The following PTPRS variants were observed in gnomAD, a reference collection of about 807,000 sequenced individuals.
PTPRS encodes receptor-type tyrosine-protein phosphatase S.
PTPRS carries 63 observed loss-of-function variants against 215.3 expected under a neutral mutation model. The ratio of observed to expected loss-of-function variants is 0.29; its 90% CI spans 0.24 to 0.36. The LOEUF (loss-of-function observed/expected upper bound fraction) is 0.36, where lower values mean the gene tolerates loss of function less well. Ranked by LOEUF, PTPRS falls within the 10% of genes least tolerant of loss-of-function variation. The probability of loss-of-function intolerance (pLI) is 1.00; values close to 1 mark genes in which losing one functional copy is unlikely to be tolerated. For synonymous variants in PTPRS, 1,404 were observed against 1,191.4 expected (o/e 1.18, Z -3.68); for missense variants, 2,258 against 2,825.8 (o/e 0.80, Z 4.56).
rs535251027 is a variant in PTPRS, at chr19:5,268,655, C to A, written c.380-3459G>T. ...GGGTCACTGCTTGGATGGGAAAAGCCCCAGTGGAAAGCCCTGAGCACTAAC... is the reference window on the plus strand; with the variant it reads ...GGGTCACTGCTTGGATGGGAAAAGCACCAGTGGAAAGCCCTGAGCACTAAC... On this transcript the variant is annotated intron_variant, in intron 4 of 37. Coordinates refer to ENST00000262963, the MANE Select transcript of PTPRS (RefSeq NM_002850.4). Among the ~76,000 whole-genome samples the A allele has an allele frequency of 6.6e-5, 10 of 152,212 alleles. No individual in the cohort carries two copies. The South Asian group carries it at 2.1e-3, about 32-fold the overall frequency.
At chr19:5,215,445 GT>G in intron 27 of PTPRS, 33 bp from the exon 28 acceptor site, 1 of 1,611,014 alleles carries the variant, frequency 6.2e-7, no homozygotes, top group Non-Finnish European at 8.5e-7. Context: ...GGGTGTCAGG[GT>G]AGGTGCCTGT....
chr19:5,320,378 C>T (rs765948303), intron 1 of PTPRS, among the ~76,000 whole-genome samples: 2 of 152,208 alleles, frequency 1.3e-5, no homozygotes, highest in South Asian at 4.1e-4. Context: ...ATCCGGCTCC[C>T]GGGAAGTGGC....
At chr19:5,281,020 G>A (rs1240139415) in intron 2 of PTPRS, among the ~76,000 whole-genome samples, 3 of 151,704 alleles carry the variant, frequency 2.0e-5, no homozygotes, top group Non-Finnish European at 4.4e-5. Flanking sequence ...GCGAACTCCT[G>A]ACCTCAAATG....
intron 1 of PTPRS, among the ~76,000 whole-genome samples, chr19:5,311,301 G>A (rs553670956): frequency 1.9e-4 from 29 of 152,254 alleles, no homozygotes; most frequent in African/African-American, 6.5e-4. Flanking sequence ...GAGCCACTGC[G>A]CCCGGCCCCT....
At chr19:5,279,974 C>T (rs1270287395) in intron 2 of PTPRS, among the ~76,000 whole-genome samples, 6 of 152,136 alleles carry the variant, frequency 3.9e-5, no homozygotes, top group South Asian at 2.1e-4. Flanking sequence ...TGAGCCACCA[C>T]GCCCAGCCTG....
At chr19:5,288,746 A>G (rs1200987875) in intron 1 of PTPRS, among the ~76,000 whole-genome samples, 1 of 152,216 alleles carries the variant, frequency 6.6e-6, no homozygotes, top group Non-Finnish European at 1.5e-5. Context: ...CAGAGAGCCC[A>G]GGTGGGGCAC....
rs115189798 is a variant in PTPRS at position 5,225,321 on chromosome 19, T to C, written c.2494+406A>G. On this transcript the variant is annotated intron_variant, in intron 17 of 37. Coordinates refer to ENST00000262963, the MANE Select transcript of PTPRS (RefSeq NM_002850.4). Reference sequence around the variant, plus strand: ...CTAGGGGGCCCAGAAGGATCAAGATTATGGGATGAGGCAATCAGGGAAGGC... The same window carrying C: ...CTAGGGGGCCCAGAAGGATCAAGATCATGGGATGAGGCAATCAGGGAAGGC... Among the ~76,000 whole-genome samples, 676 of 151,980 alleles carry C rather than the reference T, an allele frequency of 4.4e-3. 3 individuals are homozygous for C. The highest frequency in any genetic ancestry group is 0.015 in the African/African-American group (620 of 41,444).
intron 17 of PTPRS, 100 bp from the exon 18 acceptor site, chr19:5,223,397 A>AT (rs1305934282): frequency 1.0e-5 from 13 of 1,278,640 alleles, no homozygotes; most frequent in Admixed American, 4.2e-5. Flanking sequence ...TCAATATAAC[A>AT]TTTTTTTGAG....
At chr19:5,319,659 CT>C (rs1023535636) in intron 1 of PTPRS, among the ~76,000 whole-genome samples, 1 of 152,018 alleles carries the variant, frequency 6.6e-6, no homozygotes, top group Non-Finnish European at 1.5e-5. Context: ...CCATCACTCA[CT>C]GGGCTCCAGC....
At chr19:5,282,818 G>A (rs1164904331) in intron 2 of PTPRS, among the ~76,000 whole-genome samples, 1 of 151,058 alleles carries the variant, frequency 6.6e-6, no homozygotes. Flanking sequence ...AAAAAAGAAG[G>A]GACCTGCCTT....
chr19:5,298,484 C>T (rs1377515553), intron 1 of PTPRS, among the ~76,000 whole-genome samples: 2 of 152,242 alleles, frequency 1.3e-5, no homozygotes, highest in Admixed American at 1.3e-4. Context: ...GTACTCTTGG[C>T]TGTGAGAGCC....
At chr19:5,302,514 A>G (rs2049332621) in intron 1 of PTPRS, among the ~76,000 whole-genome samples, 1 of 152,196 alleles carries the variant, frequency 6.6e-6, no homozygotes, top group Non-Finnish European at 1.5e-5. Flanking sequence ...TACAATGAAA[A>G]TAGTACCCAG....
Position 5,225,809 on chromosome 19 carries a change from C to A in PTPRS, c.2412G>T (p.Ala804=). 1 of 1,613,982 alleles carries A rather than the reference C, an allele frequency of 6.2e-7. No homozygotes were observed. The change falls in exon 17 of 38, where the codon GCG becomes GCT. Residue 804 remains alanine, a synonymous_variant. Coordinates refer to ENST00000262963, the MANE Select transcript of PTPRS (RefSeq NM_002850.4). ...TGTAGGCGGCTACCGTGATGGAGTA[C>A]GCGGTCTCAGGCTGCAAGTTTGTGA... The part of the protein sequence containing the change: ...MVITNLQPET[A]YSITVAAYTM...
intron 4 of PTPRS, among the ~76,000 whole-genome samples, chr19:5,269,587 C>T (rs1040140075): frequency 2.0e-5 from 3 of 151,976 alleles, no homozygotes; most frequent in Non-Finnish European, 4.4e-5. Flanking sequence ...AATGAGCTCC[C>T]AGCCCAAGCA....
At chr19:5,227,478 G>A (rs571002882) in intron 16 of PTPRS, among the ~76,000 whole-genome samples, 40 of 150,810 alleles carry the variant, frequency 2.7e-4, no homozygotes, top group African/African-American at 8.3e-4. Flanking sequence ...GCAATGGCAT[G>A]GTCTCAGCTC....
At chr19:5,256,840 G>A (rs373557199) in intron 8 of PTPRS, among the ~76,000 whole-genome samples, 1 of 152,196 alleles carries the variant, frequency 6.6e-6, no homozygotes, top group African/African-American at 2.4e-5. Context: ...AGCGGGTGCT[G>A]TGGATGGTAG....
At chr19:5,278,249 C>G (rs906282028) in intron 2 of PTPRS, 1 of 382,058 alleles carries the variant, frequency 2.6e-6, no homozygotes, top group Non-Finnish European at 4.8e-6. Flanking sequence ...GACAGGGACT[C>G]GCTCTTCTGC....
chr19:5,285,978 A>G, intron 2 of PTPRS, 72 bp downstream of exon 2: 1 of 1,432,140 alleles, frequency 7.0e-7, no homozygotes, highest in Non-Finnish European at 9.7e-7. Context: ...GTGTGCCCAC[A>G]CACACACAGC....
intron 1 of PTPRS, among the ~76,000 whole-genome samples, chr19:5,303,724 T>C (rs2049376804): frequency 6.6e-6 from 1 of 151,822 alleles, no homozygotes; most frequent in Admixed American, 6.6e-5. Flanking sequence ...CCAAGGCAGG[T>C]GGATCACTTG....
Sources: allele counts gnomAD v4.1 joint callset (sites outside exome capture counted in the v4.1 genomes callset), GRCh38; gene constraint gnomAD v4.1.1; transcripts MANE v1.5; gene names NCBI Gene and HGNC (gene_info 2026-07-23, HGNC 2026-07-21).